HTT: variants seen among roughly 807,000 people sequenced by gnomAD.
HTT encodes the protein huntington disease protein.
In HTT, 104 loss-of-function variants were observed where a neutral mutation model predicts 362.3. The ratio of observed to expected loss-of-function variants is 0.29; its 90% CI spans 0.24 to 0.34. The LOEUF (loss-of-function observed/expected upper bound fraction) is 0.34. HTT is among the 10% of genes least tolerant of loss of function. The probability of loss-of-function intolerance (pLI) is 1.00; values close to 1 mark genes in which losing one functional copy is unlikely to be tolerated. For synonymous variants in HTT, 1,577 were observed against 1,548.7 expected (o/e 1.02, Z -0.43); for missense variants, 3,301 against 3,928.6 (o/e 0.84, Z 4.27).
At chr4:3,157,562 C>G (rs888861811) in intron 28 of HTT, among the ~76,000 whole-genome samples, 21 of 152,284 alleles carry the variant, frequency 1.4e-4, no homozygotes, top group Middle Eastern at 3.4e-3. Flanking sequence ...TGCAGGTACC[C>G]TCTGCCTAAC....
chr4:3,178,399 A>C lies in HTT; in HGVS notation c.4565A>C (p.Gln1522Pro). 2 of 1,613,844 alleles carry C rather than the reference A, an allele frequency of 1.2e-6. No individual in the cohort carries two copies. Among genetic ancestry groups the C allele is most frequent in the Non-Finnish European group, 1.7e-6 (2 of 1,179,716 alleles). Residue 1522 changes from glutamine (Q) to proline (P), a missense_variant, in exon 35 of 67, where the codon CAG (glutamine) becomes CCG (proline). Gln to Pro is a moderately conservative substitution (Grantham distance 76). Transcript: ENST00000355072. ...ATCATTGGAATTCCTAAAATCATTC[A>C]GCTCTGTGATGGCATCATGGCCAGT... ...KQIIGIPKIIQLCDGIMASGR... is the reference protein window; with the variant it reads ...KQIIGIPKIIPLCDGIMASGR...
chr4:3,235,580 C>T lies in HTT; in HGVS notation c.8587C>T (p.Leu2863=). The change falls in exon 63 of 67, where the codon CTG becomes TTG. Residue 2863 remains leucine (L), a synonymous_variant. Transcript: ENST00000355072. ...ASIIQMCGVM[L]SGSEESTPSI... ...CCCTGTGCAGATGTGTGGGGTGATG[C>T]TGTCTGGAAGTGAGGAGTCCACCCC... is the stretch of plus-strand genomic sequence containing the variant. The T allele has an allele frequency of 6.2e-7, 1 of 1,613,858 alleles. No homozygotes were observed. The highest frequency in any genetic ancestry group is 2.2e-5 in the East Asian group (1 of 44,880).
In HTT at chr4:3,203,991, C is replaced by T; in HGVS notation, c.5577-16C>T. On this transcript the variant is annotated splice_polypyrimidine_tract_variant and intron_variant, in intron 41 of 66. Coordinates refer to ENST00000355072, the MANE Select transcript of HTT (RefSeq NM_001388492.1). ...CCATCCAGAAACATTGTCAATGCAT[C>T]TGTTGCTCCTTCTAGAAGACACAGT... 1.2e-6 allele frequency: 2 copies of T among 1,613,002 alleles called. No individual in the cohort carries two copies. The highest frequency in any genetic ancestry group is 1.7e-6 in the Non-Finnish European group (2 of 1,179,076).
At chr4:3,237,200 A>G (rs755357565) in intron 64 of HTT, among the ~76,000 whole-genome samples, 9 of 151,420 alleles carry the variant, frequency 5.9e-5, no homozygotes, top group Non-Finnish European at 1.3e-4. Context: ...CAGCCTCCCT[A>G]GTAGCTGGGA....
intron 19 of HTT, among the ~76,000 whole-genome samples, chr4:3,135,322 CA>C (rs11311818): frequency 0.081 from 10,973 of 135,140 alleles, 543 homozygotes; most frequent in African/African-American, 0.16. Flanking sequence ...GACTTGGCCT[CA>C]AAAAAAAAAA....
At chr4:3,174,529 AC>A (rs1718141577) in intron 31 of HTT, among the ~76,000 whole-genome samples, 191 bp from the exon 32 acceptor site, 3 of 152,146 alleles carry the variant, frequency 2.0e-5, no homozygotes, top group Non-Finnish European at 4.4e-5. Flanking sequence ...GCAGCTGTAA[AC>A]TCTAAATAGA....
intron 26 of HTT, among the ~76,000 whole-genome samples, chr4:3,148,680 C>G (rs1397632190): frequency 6.6e-6 from 1 of 152,140 alleles, no homozygotes; most frequent in Non-Finnish European, 1.5e-5. Context: ...CGCCTGTAGT[C>G]CCAGCTGCTC....
At chr4:3,235,948 G>A (rs1721507827) in intron 63 of HTT, among the ~76,000 whole-genome samples, 170 bp downstream of exon 63, 1 of 152,220 alleles carries the variant, frequency 6.6e-6, no homozygotes, top group South Asian at 2.1e-4. Flanking sequence ...CCCAGGGCTG[G>A]AGTACCTGGT....
Position 3,233,172 on chromosome 4 carries a change from G to A in HTT, c.8275G>A (p.Val2759Met), listed in dbSNP as rs746413928. The change falls in exon 61 of 67, where the codon GTG (valine) becomes ATG (methionine). Residue 2759 changes from valine (V) to methionine (M), a missense_variant. This residue lies in a region of HTT where 753 missense variants were observed against 1,021.3 expected (regional missense o/e 0.74). Coordinates refer to ENST00000355072, the MANE Select transcript of HTT (RefSeq NM_001388492.1). ...AAAVLGMDKA[V>M]AEPVSRLLES... ...GTCTGTGTGTGCCTAGGACAAGGCCGTGGCGGAGCCTGTCAGCCGCCTGCT... is the reference window on the plus strand; with the variant it reads ...GTCTGTGTGTGCCTAGGACAAGGCCATGGCGGAGCCTGTCAGCCGCCTGCT... The A allele has an allele frequency of 5.0e-6, 8 of 1,586,380 alleles. 1 individual carries two copies. The highest frequency in any genetic ancestry group is 2.7e-5 in the African/African-American group (2 of 74,530).
chr4:3,187,110 C>T (rs1159980414), intron 38 of HTT, among the ~76,000 whole-genome samples: 2 of 151,642 alleles, frequency 1.3e-5, no homozygotes, highest in Non-Finnish European at 2.9e-5. Context: ...CCGCCCATCT[C>T]AGCCTCCCAA....
chr4:3,207,595 C>G (rs369336442), intron 45 of HTT, among the ~76,000 whole-genome samples: 2 of 152,198 alleles, frequency 1.3e-5, no homozygotes, highest in African/African-American at 4.8e-5. Context: ...GTTTGCACTC[C>G]TGGTGGCTGT....
chr4:3,148,564 G>A (rs1426358562), intron 26 of HTT, among the ~76,000 whole-genome samples: 2 of 152,138 alleles, frequency 1.3e-5, no homozygotes, highest in East Asian at 1.9e-4. Flanking sequence ...TTGGGAGGCC[G>A]AGGTGGGCGG....
intron 51 of HTT, among the ~76,000 whole-genome samples, chr4:3,216,841 C>T (rs915691416): frequency 2.0e-5 from 3 of 152,014 alleles, no homozygotes; most frequent in East Asian, 1.9e-4. Context: ...CCAGCTAAAA[C>T]GGTGAAACCC....
At chr4:3,236,105 G>A (rs536013374) in intron 63 of HTT, 44 bp from the exon 64 acceptor site, 1 of 1,351,084 alleles carries the variant, frequency 7.4e-7, no homozygotes, top group African/African-American at 1.4e-5. Context: ...AGAGCCTATT[G>A]GGTTGTATAG....
rs1374536643 is a variant in HTT, at chr4:3,240,178, C to T, written c.*119C>T. ...TCCCTATGGGCTTCCGCACATGCCGCGGGCGGCCAGGCAACGTGCGTGTCT... is the reference window on the plus strand; with the variant it reads ...TCCCTATGGGCTTCCGCACATGCCGTGGGCGGCCAGGCAACGTGCGTGTCT... On this transcript the variant is annotated 3_prime_UTR_variant, in exon 67 of 67. Transcript: ENST00000355072. The T allele has an allele frequency of 8.4e-6, 7 of 828,724 alleles. No individual in the cohort carries two copies. The Admixed American group carries it at 9.8e-5, about 12-fold the overall frequency. 51.3% of individuals were successfully genotyped at this position (828,724 alleles called of 1,614,324 possible).
At chr4:3,082,654 GA>G (rs1274312976) in intron 1 of HTT, among the ~76,000 whole-genome samples, 3 of 152,138 alleles carry the variant, frequency 2.0e-5, no homozygotes, top group Non-Finnish European at 4.4e-5. Context: ...TGGAGTTTGG[GA>G]AGCTCCACTG....
chr4:3,126,151 C>G (rs926710143), intron 11 of HTT, among the ~76,000 whole-genome samples: 56 of 152,322 alleles, frequency 3.7e-4, no homozygotes, highest in Non-Finnish European at 7.8e-4. Flanking sequence ...CTTCTGGGTT[C>G]CAGCGATTCT....
chr4:3,175,139 C>A, intron 33 of HTT, 32 bp downstream of exon 33: 1 of 1,583,794 alleles, frequency 6.3e-7, no homozygotes, highest in Non-Finnish European at 8.6e-7. Context: ...TCCATCATAC[C>A]TGTTCCTAAT....
At chr4:3,183,483 A>G (rs565837699) in intron 37 of HTT, among the ~76,000 whole-genome samples, 1 of 152,242 alleles carries the variant, frequency 6.6e-6, no homozygotes, top group Non-Finnish European at 1.5e-5. Context: ...ATAAACAACT[A>G]CTCTGTATAG....
Sources: gnomAD v4.1 joint callset for allele counts (sites outside exome capture counted in the v4.1 genomes callset) on GRCh38, gnomAD v4.1.1 for gene constraint, gnomAD v4.1.1 regional missense constraint, MANE v1.5 for transcripts, NCBI Gene and HGNC (gene_info 2026-07-23, HGNC 2026-07-21) for gene names.